Variants in AHRR observed in about 807,000 individuals in gnomAD.
AHRR encodes ahR repressor.
A neutral mutation model predicts 44.0 loss-of-function variants in AHRR; 28 were observed. The ratio of observed to expected loss-of-function variants is 0.64; its 90% CI spans 0.47 to 0.87. The LOEUF (loss-of-function observed/expected upper bound fraction) is 0.87, where lower values mean the gene tolerates loss of function less well. Among genes scored for constraint, AHRR ranks in the 40% least tolerant of loss-of-function variants. The probability of loss-of-function intolerance (pLI) is 0.00; values close to 1 mark genes in which losing one functional copy is unlikely to be tolerated. For synonymous variants in AHRR, 434 were observed against 407.0 expected (o/e 1.07, Z -0.80); for missense variants, 990 against 953.9 (o/e 1.04, Z -0.50).
chr5:379,820 T>C (rs902946121), intron 4 of AHRR, among the ~76,000 whole-genome samples: 3 of 152,262 alleles, frequency 2.0e-5, no homozygotes, highest in African/African-American at 7.2e-5. Context: ...ATATTACAGA[T>C]AGTGAAAGTA....
intron 1 of AHRR, among the ~76,000 whole-genome samples, chr5:331,354 G>A (rs1044121180): frequency 6.6e-6 from 1 of 151,414 alleles, no homozygotes; most frequent in African/African-American, 2.4e-5. Context: ...GTTCATAATA[G>A]TCTCTGATGA....
At position 405,401 on chromosome 5, in the gene AHRR, G is replaced by A. The variant is rs553938837; in HGVS notation, c.352-7943G>A. Among the ~76,000 whole-genome samples the A allele has an allele frequency of 4.6e-5, 7 of 152,202 alleles. No homozygotes were observed. Among genetic ancestry groups the A allele is most frequent in the Non-Finnish European group, 8.8e-5 (6 of 68,040 alleles). On this transcript the variant is annotated intron_variant, in intron 4 of 10. Coordinates refer to ENST00000684583, the MANE Select transcript of AHRR (RefSeq NM_001377236.1). The surrounding 1 kb of genome is among the most constrained non-coding windows in gnomAD (Gnocchi z 4.5). ...TGGGCTTCTTTACTGATGCCAAACC[G>A]TATAAAGCATTGGCCTATTTTGTCA...
chr5:436,933 C>T lies in AHRR; in HGVS notation c.*2099C>T, dbSNP rs1579722613. The T allele has an allele frequency of 6.6e-6, 1 of 152,410 alleles. No homozygotes were observed. The highest frequency in any genetic ancestry group is 1.5e-5 in the Non-Finnish European group (1 of 68,056). The allele number at this position is 152,410 out of a possible 1,614,324, so 9.4% of individuals were successfully genotyped here. ...TTCATTTCTCATGCTGAGCATGGCA[C>T]ACTTCTGGCCTCTGGGCATTTATGG... is the stretch of plus-strand genomic sequence containing the variant. On this transcript the variant is annotated 3_prime_UTR_variant, in exon 11 of 11. Transcript: ENST00000684583.
Position 433,990 on chromosome 5 carries a change from A to G in AHRR, c.1250A>G (p.Gln417Arg), listed in dbSNP as rs778339051. The G allele has an allele frequency of 6.4e-7, 1 of 1,572,544 alleles. No individual in the cohort carries two copies. Among genetic ancestry groups the G allele is most frequent in the South Asian group, 1.2e-5 (1 of 83,078 alleles). The change falls in exon 11 of 11, where the codon CAG becomes CGG. Residue 417 changes from glutamine to arginine, a missense_variant. Coordinates refer to ENST00000684583, the MANE Select transcript of AHRR (RefSeq NM_001377236.1). ...HSEDGARPRL[Q>R]PSKNDPPSLR... Reference sequence around the variant, plus strand: ...GAGGATGGTGCCAGGCCGAGGCTGCAGCCCAGCAAGAATGACCCGCCCTCC... The same window carrying G: ...GAGGATGGTGCCAGGCCGAGGCTGCGGCCCAGCAAGAATGACCCGCCCTCC...
rs571123675 is a variant in AHRR at position 326,931 on chromosome 5, C to T, written c.-11+5112C>T. On this transcript the variant is annotated intron_variant, in intron 1 of 10. Coordinates refer to ENST00000684583, the MANE Select transcript of AHRR (RefSeq NM_001377236.1). The surrounding 1 kb of genome is among the most constrained non-coding windows in gnomAD (Gnocchi z 4.1). ...AAAATTAGCCAGGCGTGGTGGCACGCGCCTGTAGTCCCAGCTACTCAGGAG... is the reference window on the plus strand; with the variant it reads ...AAAATTAGCCAGGCGTGGTGGCACGTGCCTGTAGTCCCAGCTACTCAGGAG... Among the ~76,000 whole-genome samples, 12 of 152,150 alleles carry T rather than the reference C, an allele frequency of 7.9e-5. No individual in the cohort carries two copies. In the South Asian group the frequency reaches 1.7e-3, roughly 21 times the overall value.
rs151322667 is a variant in AHRR at position 363,009 on chromosome 5, A to G, written c.244+9098A>G. Among the ~76,000 whole-genome samples the G allele has an allele frequency of 1.2e-4, 18 of 152,326 alleles. No homozygotes were observed. The East Asian group carries it at 2.5e-3, about 21-fold the overall frequency. The stretch of plus-strand genomic sequence containing the variant: ...CTAGGTAATTCAGTGTCTTCCACTA[A>G]TGTGGCCCCACACAGGCTGGGCTTG... On this transcript the variant is annotated intron_variant, in intron 3 of 10. Coordinates refer to ENST00000684583, the MANE Select transcript of AHRR (RefSeq NM_001377236.1).
At chr5:382,122 T>C (rs1734009628) in intron 4 of AHRR, among the ~76,000 whole-genome samples, 1 of 152,226 alleles carries the variant, frequency 6.6e-6, no homozygotes, top group Admixed American at 6.5e-5. Context: ...TTTGTGGTTT[T>C]CTTGTAATGT....
chr5:429,196 C>A (rs887897483), intron 8 of AHRR, among the ~76,000 whole-genome samples: 2 of 152,194 alleles, frequency 1.3e-5, no homozygotes, highest in Admixed American at 1.3e-4. Context: ...GAGGTAGGGC[C>A]GGGGCTGCCA....
intron 2 of AHRR, 30 bp downstream of exon 2, chr5:343,994 G>A (rs1220738062): frequency 6.3e-7 from 1 of 1,585,890 alleles, no homozygotes; most frequent in Admixed American, 1.7e-5. Flanking sequence ...GCTTGTGTGG[G>A]TTGTTGCACC....
intron 1 of AHRR, among the ~76,000 whole-genome samples, chr5:341,776 A>G (rs1742359303): frequency 1.3e-5 from 2 of 152,134 alleles, no homozygotes; most frequent in East Asian, 1.9e-4. Flanking sequence ...CTTCTCTTCT[A>G]GTTACTTGTT....
At chr5:399,277 C>A (rs1442083268) in intron 4 of AHRR, among the ~76,000 whole-genome samples, 1 of 152,200 alleles carries the variant, frequency 6.6e-6, no homozygotes, top group African/African-American at 2.4e-5. Context: ...ACCAGGACCC[C>A]GGCAGGATGG....
chr5:334,999 G>T lies in AHRR; in HGVS notation c.-10-8894G>T, dbSNP rs776178344. Among the ~76,000 whole-genome samples the T allele has an allele frequency of 2.0e-4, 30 of 152,222 alleles. 1 individual carries two copies. Among genetic ancestry groups the T allele is most frequent in the Admixed American group, 3.9e-4 (6 of 15,292 alleles). On this transcript the variant is annotated intron_variant, in intron 1 of 10. Coordinates refer to ENST00000684583, the MANE Select transcript of AHRR (RefSeq NM_001377236.1). The stretch of plus-strand genomic sequence containing the variant: ...GGTATCTGCGGCTTCCTTGGTTAGG[G>T]TGCAGTTATTGGTGGCGGCTGTGGT...
At chr5:327,988 T>A (rs1487581773) in intron 1 of AHRR, among the ~76,000 whole-genome samples, 1 of 152,102 alleles carries the variant, frequency 6.6e-6, no homozygotes, top group African/African-American at 2.4e-5. Context: ...CCTGTGTCCA[T>A]GCGTTCTCAT....
At chr5:415,337 T>TC (rs1560915672) in intron 5 of AHRR, among the ~76,000 whole-genome samples, 4 of 147,850 alleles carry the variant, frequency 2.7e-5, no homozygotes, top group African/African-American at 5.0e-5. Context: ...ATCTGCCTGG[T>TC]GGGGCGGGAG....
intron 1 of AHRR, among the ~76,000 whole-genome samples, chr5:328,488 T>G (rs1227263641): frequency 1.3e-5 from 2 of 152,018 alleles, no homozygotes. Context: ...TGACCTCAAG[T>G]GATCCACCCA....
Position 359,818 on chromosome 5 carries a change from A to G in AHRR, c.244+5907A>G, listed in dbSNP as rs116676185. 8.2e-3 allele frequency among the ~76,000 whole-genome samples: 1,248 copies of G among 152,316 alleles called. 15 individuals carry two copies. The highest frequency in any genetic ancestry group is 0.027 in the African/African-American group (1,141 of 41,570). On this transcript the variant is annotated intron_variant, in intron 3 of 10. Transcript: ENST00000684583. ...AGGTGGGCAAGAACAGAGGCCCCAC[A>G]GCGCCACGAGGTGTCCTGGGTTCTT...
Position 343,954 on chromosome 5 carries a change from C to T in AHRR, c.52C>T (p.Leu18=), listed in dbSNP as rs1200629023. Residue 18 remains leucine (L), a synonymous_variant, in exon 2 of 11, where the codon CTG becomes TTG. Transcript: ENST00000684583. ...CGCGGGCCGGAAGCGGAGGAGGCCC[C>T]TGCAGAAACAGTAAAGTATCCCGCC... ...TYAGRKRRRP[L]QKQRPAVGAE... 5 of 1,599,074 alleles carry T rather than the reference C, an allele frequency of 3.1e-6. No individual in the cohort carries two copies. The highest frequency in any genetic ancestry group is 1.4e-5 in the African/African-American group (1 of 72,418).
At chr5:428,527 A>G (rs77019604) in intron 8 of AHRR, among the ~76,000 whole-genome samples, 11,276 of 152,270 alleles carry the variant, frequency 0.074, 503 homozygotes, top group Admixed American at 0.13. Flanking sequence ...AGAAGTAGAA[A>G]ACACCCTGTT....
chr5:372,504 C>T (rs1314703733), intron 3 of AHRR, among the ~76,000 whole-genome samples: 1 of 152,054 alleles, frequency 6.6e-6, no homozygotes, highest in Non-Finnish European at 1.5e-5. Context: ...CTTTTCAGCT[C>T]CCCCTGGGCC....
Sources: gnomAD v4.1 joint callset for allele counts (sites outside exome capture counted in the v4.1 genomes callset) on GRCh38, gnomAD v4.1.1 for gene constraint, Gnocchi (gnomAD v3.1) non-coding constraint, MANE v1.5 for transcripts, NCBI Gene and HGNC (gene_info 2026-07-23, HGNC 2026-07-21) for gene names.